The following CCM2 variants were observed in gnomAD, a reference collection of about 807,000 sequenced individuals.
The protein encoded by CCM2 is cerebral cavernous malformations 2 protein.
A neutral mutation model predicts 44.9 loss-of-function variants in CCM2; 25 were observed. The observed-to-expected ratio is 0.56, with a 90% CI of 0.41 to 0.78. The LOEUF (loss-of-function observed/expected upper bound fraction) is 0.78. Ranked by LOEUF, CCM2 falls within the 30% of genes least tolerant of loss-of-function variation. The pLI is 0.00. For missense variants in CCM2, 481 were observed against 580.6 expected (o/e 0.83, Z 1.76); for synonymous variants, 219 against 241.1 (o/e 0.91, Z 0.85).
At chr7:45,013,616 A>C (rs10951790) in intron 1 of CCM2, among the ~76,000 whole-genome samples, 1 of 152,118 alleles carries the variant, frequency 6.6e-6, no homozygotes, top group African/African-American at 2.4e-5. Context: ...TACGTAATTC[A>C]TGACCCCACC....
intron 1 of CCM2, among the ~76,000 whole-genome samples, chr7:45,005,111 C>T (rs1795794862): frequency 6.6e-6 from 1 of 151,740 alleles, no homozygotes; most frequent in Admixed American, 6.6e-5. Flanking sequence ...TTTATTTTTC[C>T]TCTTGGGTAG....
chr7:45,034,633 C>T (rs1300731391), intron 1 of CCM2, among the ~76,000 whole-genome samples: 1 of 148,312 alleles, frequency 6.7e-6, no homozygotes, highest in Admixed American at 6.9e-5. Flanking sequence ...ATTCTCCTGC[C>T]TCAGCCTCCC....
At chr7:45,066,530 G>C (rs1798782229) in intron 4 of CCM2, among the ~76,000 whole-genome samples, 1 of 152,202 alleles carries the variant, frequency 6.6e-6, no homozygotes, top group African/African-American at 2.4e-5. Flanking sequence ...CTTGGTGCCT[G>C]CTATGTGCAA....
intron 1 of CCM2, among the ~76,000 whole-genome samples, chr7:45,023,797 T>TG (rs1796577571): frequency 4.0e-5 from 1 of 25,256 alleles, no homozygotes; most frequent in Non-Finnish European, 7.0e-5. Flanking sequence ...GTTTTTTTTT[T>TG]TTTTTTTTTT....
At chr7:45,027,887 T>C in intron 1 of CCM2, 4 of 1,366,244 alleles carry the variant, frequency 2.9e-6, no homozygotes, top group Non-Finnish European at 4.1e-6. Context: ...TTCCCAGGGC[T>C]TGCCCATTGT....
Position 45,075,977 on chromosome 7 carries a change from G to T in CCM2, c.1255G>T (p.Asp419Tyr). The T allele has an allele frequency of 1.2e-6, 2 of 1,613,194 alleles. No homozygotes were observed. The highest frequency in any genetic ancestry group is 1.7e-6 in the Non-Finnish European group (2 of 1,180,036). Residue 419 changes from aspartate to tyrosine, a missense_variant, in exon 10 of 10, where the codon GAT becomes TAT. Physicochemically the swap from Asp to Tyr is radical, Grantham distance 160. Coordinates refer to ENST00000258781, the MANE Select transcript of CCM2 (RefSeq NM_031443.4). ...TGACCGGTCGGCACCCTCAGAGGGG[G>T]ATGAGTGGGACCGCATGATCTCGGA... ...SDDRSAPSEG[D>Y]EWDRMISDIS...
chr7:45,061,184 G>A (rs1240567789), intron 2 of CCM2, among the ~76,000 whole-genome samples: 2 of 152,200 alleles, frequency 1.3e-5, no homozygotes, highest in African/African-American at 4.8e-5. Flanking sequence ...TCCTGTTGAT[G>A]TGGCTTTCAG....
At chr7:45,028,615 C>T (rs937175752) in intron 1 of CCM2, among the ~76,000 whole-genome samples, 5 of 152,020 alleles carry the variant, frequency 3.3e-5, no homozygotes, top group Non-Finnish European at 7.4e-5. Context: ...CGAGATTGCG[C>T]CACTGCACTC....
intron 3 of CCM2, 117 bp downstream of exon 3, chr7:45,064,118 ACTTGGCT>A (rs1408974125): frequency 8.3e-6 from 6 of 723,928 alleles, no homozygotes; most frequent in Non-Finnish European, 1.5e-5. Flanking sequence ...TTATGGGTAC[ACTTGGCT>A]CTTGGCCATA....
chr7:45,044,067 T>C (rs1488644160), intron 2 of CCM2, among the ~76,000 whole-genome samples: 6 of 152,176 alleles, frequency 3.9e-5, no homozygotes, highest in African/African-American at 1.4e-4. Context: ...GTGCTTGAGG[T>C]CTGTGTTCCA....
At chr7:45,017,939 T>A (rs1013722211) in intron 1 of CCM2, among the ~76,000 whole-genome samples, 10 of 152,216 alleles carry the variant, frequency 6.6e-5, no homozygotes, top group African/African-American at 2.4e-4. Context: ...ATACCTTCAT[T>A]TCATCTTCAT....
chr7:45,027,777 G>C (rs1198463241), intron 1 of CCM2: 1 of 1,614,200 alleles, frequency 6.2e-7, no homozygotes, highest in Non-Finnish European at 8.5e-7. Flanking sequence ...ATTTCACACA[G>C]GGTATTCCAT....
At chr7:45,027,139 C>T (rs771194981) in intron 1 of CCM2, 8 of 182,184 alleles carry the variant, frequency 4.4e-5, no homozygotes, top group Admixed American at 1.6e-4. Flanking sequence ...CCGTAGAGCC[C>T]GGTGTGCCCT....
intron 1 of CCM2, among the ~76,000 whole-genome samples, chr7:45,023,541 C>G (rs943257796): frequency 1.3e-5 from 2 of 152,118 alleles, no homozygotes; most frequent in African/African-American, 4.8e-5. Context: ...CAGAGTGAGA[C>G]TCCGTCTCAA....
At chr7:45,052,239 G>A (rs1362505893) in intron 2 of CCM2, among the ~76,000 whole-genome samples, 1 of 152,228 alleles carries the variant, frequency 6.6e-6, no homozygotes, top group Non-Finnish European at 1.5e-5. Context: ...GAGTTCTGAA[G>A]TATTCAGCTG....
intron 1 of CCM2, among the ~76,000 whole-genome samples, chr7:45,018,252 A>G (rs539042175): frequency 5.3e-4 from 81 of 152,256 alleles, no homozygotes; most frequent in Non-Finnish European, 1.0e-3. Context: ...CTGGCTCCTA[A>G]CAGGCCACGG....
chr7:45,025,091 T>A (rs1859486), intron 1 of CCM2, among the ~76,000 whole-genome samples: 131,940 of 152,228 alleles, frequency 0.87, 57,483 homozygotes, highest in African/African-American at 0.96. Context: ...AAACTTCATG[T>A]AAAGGACCAG....
chr7:45,018,448 C>G (rs929683861), intron 1 of CCM2, among the ~76,000 whole-genome samples: 3 of 152,114 alleles, frequency 2.0e-5, no homozygotes, highest in African/African-American at 7.2e-5. Context: ...CCTCCACCTC[C>G]TGGGTTCAAG....
chr7:45,040,421 A>T (rs1797434669), intron 2 of CCM2, among the ~76,000 whole-genome samples: 1 of 152,190 alleles, frequency 6.6e-6, no homozygotes, highest in Non-Finnish European at 1.5e-5. Flanking sequence ...ATATTCAAAA[A>T]ACAAAGAAGG....
Sources: allele counts gnomAD v4.1 joint callset (sites outside exome capture counted in the v4.1 genomes callset), GRCh38; gene constraint gnomAD v4.1.1; transcripts MANE v1.5; gene names NCBI Gene and HGNC (gene_info 2026-07-23, HGNC 2026-07-21).